GRK5: variants seen among roughly 807,000 people sequenced by gnomAD.
GRK5 encodes the protein g protein-coupled receptor kinase GRK5.
Under a neutral mutation model 78.4 loss-of-function variants are expected in GRK5, and 40 were observed. The observed-to-expected ratio is 0.51, with a 90% CI of 0.40 to 0.66. The LOEUF (loss-of-function observed/expected upper bound fraction) is 0.66, where lower values mean the gene tolerates loss of function less well. Among genes scored for constraint, GRK5 ranks in the 30% least tolerant of loss-of-function variants. The probability of loss-of-function intolerance (pLI) is 0.00; values close to 1 mark genes in which losing one functional copy is unlikely to be tolerated. For synonymous variants in GRK5, 289 were observed against 296.8 expected, an observed-to-expected ratio of 0.97 and a Z score of 0.27; for missense variants, 598 against 759.9, an observed-to-expected ratio of 0.79 and a Z score of 2.50.
At chr10:119,436,102 T>A (rs1351912955) in intron 8 of GRK5, among the ~76,000 whole-genome samples, 1 of 152,240 alleles carries the variant, frequency 6.6e-6, no homozygotes, top group Non-Finnish European at 1.5e-5. Context: ...ATGGGAATTA[T>A]GGGAGTACAA....
At position 119,350,168 on chromosome 10, in the gene GRK5, C is replaced by T. The variant is rs979249386; in HGVS notation, c.148+23557C>T. On this transcript the variant is annotated intron_variant, in intron 2 of 15. Coordinates refer to ENST00000392870, the MANE Select transcript of GRK5 (RefSeq NM_005308.3). ...TGCCAGATGGGCCTGTTGCCAGTGC[C>T]GGCTGCCATCTCTGATGGGACCCTC... 2.4e-4 allele frequency among the ~76,000 whole-genome samples: 36 copies of T among 152,338 alleles called. 1 individual carries two copies. Among genetic ancestry groups the T allele is most frequent in the Admixed American group, 2.2e-3 (33 of 15,310 alleles).
At chr10:119,251,005 A>T (rs1323195450) in intron 1 of GRK5, among the ~76,000 whole-genome samples, 1 of 152,094 alleles carries the variant, frequency 6.6e-6, no homozygotes, top group South Asian at 2.1e-4. Context: ...AAGCAGCTTC[A>T]TTCACCCAGA....
intron 2 of GRK5, among the ~76,000 whole-genome samples, chr10:119,353,247 C>G (rs1262627610): frequency 6.6e-6 from 1 of 152,128 alleles, no homozygotes; most frequent in Non-Finnish European, 1.5e-5. Flanking sequence ...GATACAGCCC[C>G]TGTTTCTCCA....
intron 3 of GRK5, among the ~76,000 whole-genome samples, chr10:119,382,332 G>A (rs1467158972): frequency 1.3e-5 from 2 of 152,044 alleles, no homozygotes; most frequent in Non-Finnish European, 2.9e-5. Context: ...CACCTGGGGA[G>A]CCTTAAAAAC....
chr10:119,421,948 C>T (rs1371561497), intron 4 of GRK5, among the ~76,000 whole-genome samples: 1 of 152,178 alleles, frequency 6.6e-6, no homozygotes, highest in Non-Finnish European at 1.5e-5. Context: ...CCCTCCACCC[C>T]CAGGGATTGA....
In GRK5 at chr10:119,430,586, G is replaced by A. The variant is rs1852796051; in HGVS notation, c.597+148G>A. ...GGCCCCGGGGGCAGTGAGGGTGGGA[G>A]AGAGTCAGTGGCCTTGGGGCTATCA... On this transcript the variant is annotated intron_variant, in intron 7 of 15. Transcript: ENST00000392870. The surrounding 1 kb of genome is among the most constrained non-coding windows in gnomAD (Gnocchi z 4.5). 3.1e-6 allele frequency: 2 copies of A among 645,882 alleles called. No homozygotes were observed. Among genetic ancestry groups the A allele is most frequent in the South Asian group, 1.9e-5 (1 of 53,016 alleles). 40.0% of individuals were successfully genotyped at this position (645,882 alleles called of 1,614,324 possible).
At chr10:119,254,462 TGTGCTCAGGGGGC>T (rs2133757580) in intron 1 of GRK5, among the ~76,000 whole-genome samples, 1 of 152,304 alleles carries the variant, frequency 6.6e-6, no homozygotes, top group South Asian at 2.1e-4. Context: ...ACCTGGTCCT[TGTGCTCAGGGGGC>T]TTACAGCCTA....
intron 1 of GRK5, among the ~76,000 whole-genome samples, chr10:119,305,969 C>T (rs768443729): frequency 1.2e-4 from 19 of 152,148 alleles, no homozygotes; most frequent in Admixed American, 2.6e-4. Flanking sequence ...ACTGTACTTC[C>T]GGTATCTCTG....
chr10:119,243,660 C>T (rs1018480617), intron 1 of GRK5, among the ~76,000 whole-genome samples: 1 of 151,462 alleles, frequency 6.6e-6, no homozygotes, highest in African/African-American at 2.4e-5. Context: ...CAAAGAACAG[C>T]TTGCTTAACA....
intron 1 of GRK5, among the ~76,000 whole-genome samples, chr10:119,240,694 T>C (rs551125687): frequency 6.6e-6 from 1 of 152,348 alleles, no homozygotes; most frequent in Admixed American, 6.5e-5. Flanking sequence ...TTTTTTCTTG[T>C]AAATTTAAGT....
rs900535968 is a variant in GRK5, at chr10:119,445,411, G to C, written c.1266+1659G>C. Among the ~76,000 whole-genome samples, 4 of 152,126 alleles carry C rather than the reference G, an allele frequency of 2.6e-5. No individual in the cohort carries two copies. The highest frequency in any genetic ancestry group is 1.5e-5 in the Non-Finnish European group (1 of 68,008). On this transcript the variant is annotated intron_variant, in intron 12 of 15. Coordinates refer to ENST00000392870, the MANE Select transcript of GRK5 (RefSeq NM_005308.3). The surrounding 1 kb of genome is among the most constrained non-coding windows in gnomAD (Gnocchi z 4.1). Reference sequence around the variant, plus strand: ...GACGTACTAAGAGGATGACGAGGCGGAGAGGGCCCCAGTCCCACCCCCAGA... The same window carrying C: ...GACGTACTAAGAGGATGACGAGGCGCAGAGGGCCCCAGTCCCACCCCCAGA...
intron 1 of GRK5, among the ~76,000 whole-genome samples, chr10:119,305,229 C>A (rs1397157484): frequency 6.6e-6 from 1 of 152,020 alleles, no homozygotes. Context: ...AACCCGTGGT[C>A]CCCTCCCTTG....
chr10:119,447,878 A>G (rs1853187439), intron 12 of GRK5, among the ~76,000 whole-genome samples: 1 of 152,204 alleles, frequency 6.6e-6, no homozygotes, highest in Non-Finnish European at 1.5e-5. Context: ...TAACCCAGGA[A>G]CGAGGTCTGT....
At chr10:119,246,129 T>C (rs1054949169) in intron 1 of GRK5, among the ~76,000 whole-genome samples, 1 of 152,160 alleles carries the variant, frequency 6.6e-6, no homozygotes, top group South Asian at 2.1e-4. Flanking sequence ...TATCCCTTAG[T>C]ATCCTTTGGT....
intron 1 of GRK5, among the ~76,000 whole-genome samples, chr10:119,283,734 T>A (rs911356877): frequency 6.6e-6 from 1 of 152,204 alleles, no homozygotes. Context: ...GATGGGACCA[T>A]GAGCCCCACT....
At chr10:119,282,858 G>A (rs537486024) in intron 1 of GRK5, among the ~76,000 whole-genome samples, 4 of 152,348 alleles carry the variant, frequency 2.6e-5, no homozygotes, top group African/African-American at 9.6e-5. Context: ...GTGAGGCCTT[G>A]TGAGAAAGCA....
In GRK5 at chr10:119,267,252, A is replaced by T. The variant is rs1202682905; in HGVS notation, c.53-59264A>T. On this transcript the variant is annotated intron_variant, in intron 1 of 15. Transcript: ENST00000392870. The surrounding 1 kb of genome is among the most constrained non-coding windows in gnomAD (Gnocchi z 4.1). ...GAGCGAAACTCTGTCTCAAAAAAAA[A>T]AAATTCTTTTTGCAGTGACAGGGTC... Among the ~76,000 whole-genome samples the T allele has an allele frequency of 1.3e-5, 2 of 152,030 alleles. No individual in the cohort carries two copies. Among genetic ancestry groups the T allele is most frequent in the Admixed American group, 1.3e-4 (2 of 15,270 alleles).
intron 1 of GRK5, among the ~76,000 whole-genome samples, chr10:119,227,828 C>T (rs982518953): frequency 6.6e-6 from 1 of 152,132 alleles, no homozygotes; most frequent in African/African-American, 2.4e-5. Flanking sequence ...TAGGTTCTTT[C>T]AAACATTACG....
chr10:119,393,892 G>C lies in GRK5; in HGVS notation c.262-2803G>C, dbSNP rs114736506. 3.2e-3 allele frequency among the ~76,000 whole-genome samples: 493 copies of C among 151,970 alleles called. 2 individuals carry two copies. Among genetic ancestry groups the C allele is most frequent in the African/African-American group, 0.011 (475 of 41,438 alleles). On this transcript the variant is annotated intron_variant, in intron 3 of 15. Coordinates refer to ENST00000392870, the MANE Select transcript of GRK5 (RefSeq NM_005308.3). ...TGTCTGTGTGTGGGTGTCTGTATGT[G>C]TGTGTGTAGGGGTGCGGGTGTGTTT...
Sources: allele counts gnomAD v4.1 joint callset (sites outside exome capture counted in the v4.1 genomes callset), GRCh38; gene constraint gnomAD v4.1.1; non-coding constraint Gnocchi (gnomAD v3.1); transcripts MANE v1.5; gene names NCBI Gene and HGNC (gene_info 2026-07-23, HGNC 2026-07-21).